ACTR3C: variants seen among roughly 807,000 people sequenced by gnomAD.
ACTR3C encodes the protein actin related protein 3C.
In ACTR3C, 18 loss-of-function variants were observed where a neutral mutation model predicts 26.3. The ratio of observed to expected loss-of-function variants is 0.68; its 90% CI spans 0.47 to 1.01. ACTR3C has a LOEUF of 1.01. ACTR3C is among the 50% of genes least tolerant of loss of function. The pLI is 0.00. For missense variants in ACTR3C, 184 were observed against 250.7 expected (o/e 0.73, Z 1.80); for synonymous variants, 55 against 94.5 (o/e 0.58, Z 2.42).
At chr7:150,055,883 T>TAA in the ACTR3C span, among the ~76,000 whole-genome samples, 6 of 152,188 alleles carry the variant, frequency 3.9e-5, no homozygotes, top group South Asian at 1.2e-3. Context: ...TTTAATGCAA[T>TAA]AAAAAAATCC....
chr7:150,023,629 G>A, the ACTR3C span, among the ~76,000 whole-genome samples: 1 of 151,230 alleles, frequency 6.6e-6, no homozygotes, highest in Non-Finnish European at 1.5e-5. Flanking sequence ...TTAATGCCAA[G>A]GATGTAAAAC....
At chr7:150,199,091 C>A in the ACTR3C span, among the ~76,000 whole-genome samples, 2 of 149,964 alleles carry the variant, frequency 1.3e-5, no homozygotes, top group African/African-American at 5.0e-5. Context: ...GGCCGCCCCC[C>A]CGTCTGGGAG....
the ACTR3C span, among the ~76,000 whole-genome samples, chr7:150,032,795 CT>C: frequency 4.6e-5 from 7 of 151,214 alleles, no homozygotes; most frequent in Admixed American, 1.3e-4. Context: ...CAATTTGTGC[CT>C]TTTTTTTTCT....
the ACTR3C span, among the ~76,000 whole-genome samples, chr7:149,946,943 C>T: frequency 9.9e-5 from 15 of 151,098 alleles, no homozygotes; most frequent in African/African-American, 2.7e-4. Context: ...AAAAAAGAGC[C>T]GCCTTCCCCC....
chr7:150,193,634 C>G, the ACTR3C span, among the ~76,000 whole-genome samples: 1 of 151,880 alleles, frequency 6.6e-6, no homozygotes, highest in African/African-American at 2.4e-5. Context: ...TGATGTAGTT[C>G]AAATTATTTT....
At chr7:150,116,385 T>G in the ACTR3C span, among the ~76,000 whole-genome samples, 1 of 152,158 alleles carries the variant, frequency 6.6e-6, no homozygotes, top group Non-Finnish European at 1.5e-5. Flanking sequence ...AAGTCTCTTC[T>G]TCGTGCCCCC....
At chr7:150,207,228 T>C in the ACTR3C span, among the ~76,000 whole-genome samples, 1 of 152,210 alleles carries the variant, frequency 6.6e-6, no homozygotes, top group Non-Finnish European at 1.5e-5. Context: ...CTTTCCTACC[T>C]AAACCACACT....
chr7:150,051,695 C>G, the ACTR3C span, among the ~76,000 whole-genome samples: 1 of 148,966 alleles, frequency 6.7e-6, no homozygotes, highest in Non-Finnish European at 1.5e-5. Context: ...TAGTGCTTCC[C>G]TATTTATTAC....
chr7:150,161,202 T>TATATATA, the ACTR3C span, among the ~76,000 whole-genome samples: 4 of 103,006 alleles, frequency 3.9e-5, 1 homozygote, highest in African/African-American at 1.8e-4. Context: ...AGGAAAGTAT[T>TATATATA]TATATATATA....
chr7:149,933,138 G>C, the ACTR3C span, among the ~76,000 whole-genome samples: 12 of 132,440 alleles, frequency 9.1e-5, no homozygotes, highest in East Asian at 2.5e-3. Flanking sequence ...CTGCACAGTA[G>C]TGGCCCAGGT....
chr7:149,959,229 ACC>A, the ACTR3C span, among the ~76,000 whole-genome samples: 9 of 19,562 alleles, frequency 4.6e-4, no homozygotes, highest in Admixed American at 1.5e-3. Flanking sequence ...CTCGCCCCCC[ACC>A]CCCACAATCT....
At chr7:150,196,848 G>C in the ACTR3C span, among the ~76,000 whole-genome samples, 2 of 152,160 alleles carry the variant, frequency 1.3e-5, no homozygotes, top group African/African-American at 4.8e-5. Flanking sequence ...TTTGTTCTTA[G>C]TTCTTCTTTG....
intron 6 of ACTR3C, among the ~76,000 whole-genome samples, chr7:150,279,016 A>G (rs1835109574): frequency 6.6e-6 from 1 of 152,260 alleles, no homozygotes; most frequent in Non-Finnish European, 1.5e-5. Flanking sequence ...ATTAAAAATT[A>G]AAAATAGAGC....
chr7:150,217,282 T>C, the ACTR3C span, among the ~76,000 whole-genome samples: 9 of 151,772 alleles, frequency 5.9e-5, no homozygotes, highest in Non-Finnish European at 1.0e-4. Flanking sequence ...TGGACAGCTA[T>C]GTCTGCTGCT....
chr7:149,914,882 CTTTTTTTT>C, the ACTR3C span, among the ~76,000 whole-genome samples: 84 of 131,086 alleles, frequency 6.4e-4, no homozygotes, highest in African/African-American at 2.3e-3. Context: ...AAATTTAATT[CTTTTTTTT>C]TTTTTTTTGG....
At chr7:150,038,076 C>T in the ACTR3C span, among the ~76,000 whole-genome samples, 246 of 134,658 alleles carry the variant, frequency 1.8e-3, 15 homozygotes, top group Non-Finnish European at 2.2e-3. Flanking sequence ...CCCCACCTCG[C>T]GGGGGGTGCC....
the ACTR3C span, among the ~76,000 whole-genome samples, chr7:150,007,313 T>G: frequency 3.9e-5 from 6 of 152,206 alleles, no homozygotes; most frequent in Admixed American, 1.3e-4. Context: ...AAAGGATGTT[T>G]TCTTTCTTAT....
At chr7:150,057,357 T>C in the ACTR3C span, among the ~76,000 whole-genome samples, 1 of 149,108 alleles carries the variant, frequency 6.7e-6, no homozygotes, top group Admixed American at 6.8e-5. Flanking sequence ...CTCAGCTCAC[T>C]GCAAACTCCA....
the ACTR3C span, among the ~76,000 whole-genome samples, chr7:150,042,886 C>G: frequency 6.6e-6 from 1 of 150,834 alleles, no homozygotes; most frequent in African/African-American, 2.5e-5. Flanking sequence ...TTTGTCAGAT[C>G]GGGTAGCCCC....
Sources: gnomAD v4.1 joint callset for allele counts (sites outside exome capture counted in the v4.1 genomes callset) on GRCh38, gnomAD v4.1.1 for gene constraint, MANE v1.5 for transcripts, NCBI Gene and HGNC (gene_info 2026-07-23, HGNC 2026-07-21) for gene names.